ACTL8: variants seen among roughly 807,000 people sequenced by gnomAD.
ACTL8 encodes the protein actin-like protein 8.
ACTL8 carries 3 observed loss-of-function variants against 9.3 expected under a neutral mutation model. The observed-to-expected ratio is 0.32, with a 90% CI of 0.15 to 0.83. The LOEUF is 0.83. Among genes scored for constraint, ACTL8 ranks in the 40% least tolerant of loss-of-function variants. The probability of loss-of-function intolerance (pLI) is 0.57; values close to 1 mark genes in which losing one functional copy is unlikely to be tolerated. For missense variants in ACTL8, 381 were observed against 492.2 expected, an observed-to-expected ratio of 0.77 and a Z score of 2.14; for synonymous variants, 224 against 205.9, an observed-to-expected ratio of 1.09 and a Z score of -0.75.
At chr1:17,806,859 A>G (rs1455918326) in intron 1 of ACTL8, among the ~76,000 whole-genome samples, 3 of 152,228 alleles carry the variant, frequency 2.0e-5, no homozygotes, top group African/African-American at 4.8e-5. Context: ...CAGTGGCCCA[A>G]CACAGCACAG....
intron 1 of ACTL8, among the ~76,000 whole-genome samples, chr1:17,758,208 A>G (rs1015742327): frequency 4.6e-5 from 7 of 152,212 alleles, no homozygotes; most frequent in African/African-American, 1.7e-4. Flanking sequence ...GGAGTAGCAG[A>G]TACCGAGGGG....
chr1:17,817,807 TCTC>T (rs1289792172), intron 1 of ACTL8, among the ~76,000 whole-genome samples: 1 of 152,040 alleles, frequency 6.6e-6, no homozygotes, highest in Non-Finnish European at 1.5e-5. Flanking sequence ...TTCAAGCAAT[TCTC>T]CTGCCTCAGC....
chr1:17,791,979 C>T (rs1367915293), intron 1 of ACTL8, among the ~76,000 whole-genome samples: 6 of 151,818 alleles, frequency 4.0e-5, no homozygotes, highest in Admixed American at 3.9e-4. Context: ...TTGTGGCATC[C>T]TTGGCTTGGG....
At chr1:17,776,603 A>G (rs911639002) in intron 1 of ACTL8, among the ~76,000 whole-genome samples, 1 of 152,022 alleles carries the variant, frequency 6.6e-6, no homozygotes, top group African/African-American at 2.4e-5. Flanking sequence ...TCTTCCTGCC[A>G]TATGTTCCTA....
intron 1 of ACTL8, among the ~76,000 whole-genome samples, chr1:17,801,447 T>TA (rs1208371010): frequency 1.2e-4 from 19 of 152,378 alleles, no homozygotes; most frequent in Admixed American, 5.2e-4. Flanking sequence ...TGGCCAAATT[T>TA]AATGATTATT....
At position 17,823,397 on chromosome 1, in the gene ACTL8, A is replaced by G. The variant is rs920847630; in HGVS notation, c.348+41A>G. 7.7e-6 allele frequency: 12 copies of G among 1,550,274 alleles called. No homozygotes were observed. Among genetic ancestry groups the G allele is most frequent in the Non-Finnish European group, 3.5e-6 (4 of 1,140,158 alleles). On this transcript the variant is annotated intron_variant, in intron 2 of 2. Coordinates refer to ENST00000375406, the MANE Select transcript of ACTL8 (RefSeq NM_030812.3). The surrounding 1 kb of genome is among the most constrained non-coding windows in gnomAD (Gnocchi z 5.3). ...GCCTGCTCCCACTCGGGAGCGGGAA[A>G]CAGACTGACACTATGTCTGGACTGA...
intron 1 of ACTL8, among the ~76,000 whole-genome samples, chr1:17,778,636 C>T (rs948277561): frequency 1.3e-5 from 2 of 152,148 alleles, no homozygotes; most frequent in Non-Finnish European, 2.9e-5. Flanking sequence ...CTTGGATTTG[C>T]TGTGTGGCTT....
chr1:17,798,438 G>C (rs2066294334), intron 1 of ACTL8, among the ~76,000 whole-genome samples: 1 of 152,168 alleles, frequency 6.6e-6, no homozygotes, highest in Non-Finnish European at 1.5e-5. Flanking sequence ...AGAGGTGCTG[G>C]CTCTTAAAGG....
At chr1:17,799,414 T>G (rs79883039) in intron 1 of ACTL8, among the ~76,000 whole-genome samples, 15,305 of 152,222 alleles carry the variant, frequency 0.1, 876 homozygotes, top group Admixed American at 0.16. Flanking sequence ...TGCTGGTGTC[T>G]GAATGGATGC....
At chr1:17,818,180 A>G (rs1306635527) in intron 1 of ACTL8, among the ~76,000 whole-genome samples, 4 of 152,180 alleles carry the variant, frequency 2.6e-5, no homozygotes, top group Admixed American at 1.3e-4. Flanking sequence ...TGGATACTTT[A>G]TTCTTCCAGC....
chr1:17,802,506 C>T (rs2066328786), intron 1 of ACTL8, among the ~76,000 whole-genome samples: 1 of 151,812 alleles, frequency 6.6e-6, no homozygotes, highest in Non-Finnish European at 1.5e-5. Flanking sequence ...GGCAGAATCC[C>T]CTTTTACCTG....
At chr1:17,788,371 C>T (rs990462335) in intron 1 of ACTL8, among the ~76,000 whole-genome samples, 1 of 152,200 alleles carries the variant, frequency 6.6e-6, no homozygotes, top group African/African-American at 2.4e-5. Context: ...TGGACTGGGG[C>T]CGGGAGTCAA....
chr1:17,761,268 GC>G (rs1282888348), intron 1 of ACTL8, among the ~76,000 whole-genome samples: 1 of 151,880 alleles, frequency 6.6e-6, no homozygotes, highest in Non-Finnish European at 1.5e-5. Context: ...ACTGTGCTTG[GC>G]CACTGTGGCA....
At chr1:17,820,347 T>C (rs559146941) in intron 1 of ACTL8, among the ~76,000 whole-genome samples, 2 of 152,304 alleles carry the variant, frequency 1.3e-5, no homozygotes, top group East Asian at 3.9e-4. Flanking sequence ...GGTTGTTCAT[T>C]CTGTTTTATT....
At chr1:17,825,649 C>G in intron 2 of ACTL8, 118 bp from the exon 3 acceptor site, 8 of 1,329,224 alleles carry the variant, frequency 6.0e-6, no homozygotes, top group Non-Finnish European at 8.1e-6. Flanking sequence ...GGGCCCTGGG[C>G]GCAGCATCCT....
intron 1 of ACTL8, among the ~76,000 whole-genome samples, chr1:17,762,399 C>T (rs1243084697): frequency 6.6e-6 from 1 of 152,052 alleles, no homozygotes; most frequent in Non-Finnish European, 1.5e-5. Context: ...CCAGGCCCCA[C>T]CCCCTGGGCC....
At chr1:17,789,920 G>A (rs927921897) in intron 1 of ACTL8, among the ~76,000 whole-genome samples, 19 of 152,194 alleles carry the variant, frequency 1.2e-4, no homozygotes, top group Admixed American at 2.6e-4. Flanking sequence ...CTCATTTCAC[G>A]CACTCAGCCT....
intron 1 of ACTL8, among the ~76,000 whole-genome samples, chr1:17,769,007 C>A (rs1179944480): frequency 6.6e-6 from 1 of 152,120 alleles, no homozygotes; most frequent in East Asian, 1.9e-4. Flanking sequence ...TGCTATTTCC[C>A]TTTTATACAG....
chr1:17,812,611 T>TTA, intron 1 of ACTL8, among the ~76,000 whole-genome samples: 1 of 151,180 alleles, frequency 6.6e-6, no homozygotes, highest in South Asian at 2.1e-4. Flanking sequence ...TTTTTTTTTT[T>TTA]TGTATTTTAG....
Sources: allele counts gnomAD v4.1 joint callset (sites outside exome capture counted in the v4.1 genomes callset), GRCh38; gene constraint gnomAD v4.1.1; non-coding constraint Gnocchi (gnomAD v3.1); transcripts MANE v1.5; gene names NCBI Gene and HGNC (gene_info 2026-07-23, HGNC 2026-07-21).